Variants in MITF observed in about 807,000 individuals in gnomAD.
MITF encodes microphthalmia-associated transcription factor.
A neutral mutation model predicts 60.5 loss-of-function variants in MITF; 17 were observed. The ratio of observed to expected loss-of-function variants is 0.28; its 90% confidence interval spans 0.19 to 0.42. MITF has a LOEUF of 0.42. Ranked by LOEUF, MITF falls within the 10% of genes least tolerant of loss-of-function variation. The probability of loss-of-function intolerance (pLI) is 1.00; values close to 1 mark genes in which losing one functional copy is unlikely to be tolerated. For missense variants in MITF, 622 were observed against 683.5 expected, an observed-to-expected ratio of 0.91 and a Z score of 1.00; for synonymous variants, 260 against 248.5, an observed-to-expected ratio of 1.05 and a Z score of -0.43.
intron 1 of MITF, chr3:69,866,292 T>G: frequency 2.5e-6 from 4 of 1,613,682 alleles, no homozygotes; most frequent in Non-Finnish European, 3.4e-6. Flanking sequence ...GGAAAAAAGA[T>G]GGAGGCGCTT....
chr3:69,895,504 C>T (rs1035440872), intron 2 of MITF, among the ~76,000 whole-genome samples: 4 of 151,978 alleles, frequency 2.6e-5, no homozygotes, highest in Admixed American at 1.3e-4. Flanking sequence ...AGTTTATTTA[C>T]ACAAATGTCC....
chr3:69,740,261 C>T (rs532495901), intron 1 of MITF, among the ~76,000 whole-genome samples: 1 of 152,210 alleles, frequency 6.6e-6, no homozygotes, highest in East Asian at 1.9e-4. Flanking sequence ...CTCTGGGCTC[C>T]GCCTCTCACC....
chr3:69,891,075 C>T (rs1384156202), intron 2 of MITF, among the ~76,000 whole-genome samples: 1 of 152,156 alleles, frequency 6.6e-6, no homozygotes, highest in Non-Finnish European at 1.5e-5. Context: ...TTCTTATTAT[C>T]TTCCATTAAC....
Position 69,939,165 on chromosome 3 carries a change from G to A in MITF, c.650G>A (p.Arg217Gln), listed in dbSNP as rs747126448. The change falls in exon 4 of 10, where the codon CGA becomes CAA. Residue 217 changes from arginine to glutamine, a missense_variant. Around this residue, in one of 5 missense-constraint regions of MITF, gnomAD observed 215 missense variants for 224.8 expected, o/e 0.96. Transcript: ENST00000352241. The stretch of plus-strand genomic sequence containing the variant: ...TGCCCAGGCATGAACACACATTCAC[G>A]AGCGTCCTGTATGCAGGTACTGAAT... Reference protein sequence around the residue: ...SECPGMNTHSRASCMQMDDVI... With the variant: ...SECPGMNTHSQASCMQMDDVI... 9.3e-6 allele frequency: 15 copies of A among 1,613,890 alleles called. No individual in the cohort carries two copies. The highest frequency in any genetic ancestry group is 6.7e-5 in the Admixed American group (4 of 59,990).
chr3:69,871,585 A>G (rs1190292436), intron 1 of MITF, among the ~76,000 whole-genome samples: 10 of 152,202 alleles, frequency 6.6e-5, no homozygotes, highest in Non-Finnish European at 1.0e-4. Context: ...ACTGCTCCTT[A>G]GATTACAGTT....
At chr3:69,951,743 A>G in intron 6 of MITF, 69 bp from the exon 7 acceptor site, 2 of 1,149,310 alleles carry the variant, frequency 1.7e-6, no homozygotes, top group South Asian at 1.3e-5. Flanking sequence ...GAAATGAGAT[A>G]TTTTGTAGTT....
chr3:69,797,133 G>C (rs1000955287), intron 1 of MITF, among the ~76,000 whole-genome samples: 1 of 152,038 alleles, frequency 6.6e-6, no homozygotes, highest in Non-Finnish European at 1.5e-5. Flanking sequence ...CCTCTAATTC[G>C]CTCCCTTCAA....
chr3:69,912,145 A>G (rs1450854139), intron 2 of MITF, among the ~76,000 whole-genome samples: 3 of 152,374 alleles, frequency 2.0e-5, no homozygotes, highest in South Asian at 4.1e-4. Flanking sequence ...GTTCAAGCAC[A>G]TGTATGGTCA....
chr3:69,740,460 T>TG (rs1423750957), intron 1 of MITF, among the ~76,000 whole-genome samples: 1 of 152,174 alleles, frequency 6.6e-6, no homozygotes, highest in Non-Finnish European at 1.5e-5. Flanking sequence ...TTTAATTCGC[T>TG]GGGGACTTCA....
intron 5 of MITF, among the ~76,000 whole-genome samples, chr3:69,946,785 A>G (rs750799168): frequency 2.6e-5 from 4 of 152,154 alleles, no homozygotes; most frequent in Admixed American, 6.5e-5. Context: ...GCATCTTGCT[A>G]TAGGGATTTT....
At chr3:69,799,550 C>T (rs2106945447) in intron 1 of MITF, among the ~76,000 whole-genome samples, 1 of 152,292 alleles carries the variant, frequency 6.6e-6, no homozygotes, top group African/African-American at 2.4e-5. Context: ...GTTATACACC[C>T]AAAACGGGCA....
chr3:69,821,690 T>TAAAAAAAAAAAAAAAAAAACAAAA (rs72371556), intron 1 of MITF, among the ~76,000 whole-genome samples: 1 of 113,254 alleles, frequency 8.8e-6, no homozygotes, highest in Non-Finnish European at 1.8e-5. Context: ...AAAAAAAAAC[T>TAAAAAAAAAAAAAAAAAAACAAAA]AAAAAAAAAA....
At chr3:69,914,403 T>G (rs575223840) in intron 2 of MITF, among the ~76,000 whole-genome samples, 66 of 152,192 alleles carry the variant, frequency 4.3e-4, no homozygotes, top group Non-Finnish European at 7.8e-4. Flanking sequence ...ATTACAGGCA[T>G]GAGCCACCAC....
intron 1 of MITF, among the ~76,000 whole-genome samples, chr3:69,762,313 T>A (rs2062223443): frequency 6.6e-6 from 1 of 152,214 alleles, no homozygotes; most frequent in African/African-American, 2.4e-5. Context: ...AAAGCATTCT[T>A]ACTTTTAATT....
At chr3:69,804,094 A>T (rs1374839163) in intron 1 of MITF, among the ~76,000 whole-genome samples, 1 of 152,222 alleles carries the variant, frequency 6.6e-6, no homozygotes, top group Non-Finnish European at 1.5e-5. Context: ...ATGTTTGAAC[A>T]GTTTAATTGT....
chr3:69,962,064 C>A (rs1206810346), intron 9 of MITF, among the ~76,000 whole-genome samples: 2 of 152,170 alleles, frequency 1.3e-5, no homozygotes, highest in African/African-American at 4.8e-5. Context: ...ATGCTTTAAT[C>A]GCTGATAAAT....
intron 1 of MITF, among the ~76,000 whole-genome samples, chr3:69,754,881 C>A (rs1451262630): frequency 6.6e-6 from 1 of 151,426 alleles, no homozygotes; most frequent in African/African-American, 2.4e-5. Context: ...GTTTTAGACA[C>A]CTTAATAAAG....
At chr3:69,935,007 C>T (rs1223235913) in intron 2 of MITF, among the ~76,000 whole-genome samples, 6 of 152,116 alleles carry the variant, frequency 3.9e-5, no homozygotes, top group Non-Finnish European at 8.8e-5. Flanking sequence ...TCCCACATGG[C>T]CACAATCAGC....
At chr3:69,941,395 T>C (rs544432717) in intron 5 of MITF, 64 bp downstream of exon 5, 1 of 1,001,308 alleles carries the variant, frequency 1.0e-6, no homozygotes, top group Non-Finnish European at 1.5e-6. Context: ...TTCTTTTTTC[T>C]TAAACTTTTA....
Sources: gnomAD v4.1 joint callset for allele counts (sites outside exome capture counted in the v4.1 genomes callset) on GRCh38, gnomAD v4.1.1 for gene constraint, gnomAD v4.1.1 regional missense constraint, MANE v1.5 for transcripts, NCBI Gene and HGNC (gene_info 2026-07-23, HGNC 2026-07-21) for gene names.